The following DPP9 variants were observed in gnomAD, a reference collection of about 807,000 sequenced individuals.
DPP9 encodes dipeptidyl peptidase IV-related protein-2.
In DPP9, 50 loss-of-function variants were observed where a neutral mutation model predicts 110.7. That is an observed-to-expected ratio of 0.45 (90% confidence interval 0.36 to 0.57). The LOEUF (loss-of-function observed/expected upper bound fraction) is 0.57, where lower values mean the gene tolerates loss of function less well. DPP9 is among the 20% of genes least tolerant of loss of function. The probability of loss-of-function intolerance (pLI) is 0.00; values close to 1 mark genes in which losing one functional copy is unlikely to be tolerated. For synonymous variants in DPP9, 561 were observed against 514.4 expected (o/e 1.09, Z -1.23); for missense variants, 1,022 against 1,217.9 (o/e 0.84, Z 2.39).
Position 4,700,328 on chromosome 19 carries a change from C to G in DPP9, c.1013-51G>C. The G allele has an allele frequency of 6.6e-7, 1 of 1,513,714 alleles. No individual in the cohort carries two copies. Among genetic ancestry groups the G allele is most frequent in the Non-Finnish European group, 9.0e-7 (1 of 1,110,848 alleles). The allele number at this position is 1,513,714 out of a possible 1,614,324, so 93.8% of individuals were successfully genotyped here. A position where few individuals can be genotyped will look rare whatever the true frequency, so the allele number is the denominator to read the frequency against. On this transcript the variant is annotated intron_variant, in intron 9 of 21. Transcript: ENST00000262960. This position sits in a 1 kb window ranked among gnomAD's most constrained non-coding sequence, Gnocchi z 4.3. ...ACCAGGCAGGCATCACCCGTGTGTG[C>G]CGAGAGCCGGCACGGGGGGCCTGGG...
In DPP9 at chr19:4,690,962, A is replaced by G. The variant is rs748595457; in HGVS notation, c.1517-5T>C. 2.2e-5 allele frequency: 35 copies of G among 1,606,914 alleles called. No individual in the cohort carries two copies. In the Middle Eastern group the frequency reaches 4.9e-4, roughly 23 times the overall value. Reference sequence around the variant, plus strand: ...TAATGGGGCACTTAAATTCATCTGGAAAGAAAGAAAGAAGGGAGGTGAAGG... The same window carrying G: ...TAATGGGGCACTTAAATTCATCTGGGAAGAAAGAAAGAAGGGAGGTGAAGG... On this transcript the variant is annotated splice_polypyrimidine_tract_variant and splice_region_variant and intron_variant, in intron 13 of 21. Coordinates refer to ENST00000262960, the MANE Select transcript of DPP9 (RefSeq NM_139159.5).
chr19:4,688,802 GGGGGTCGTCGTC>G lies in DPP9; in HGVS notation c.1828_1839del (p.Asp610_Pro613del). The G allele has an allele frequency of 6.7e-7, 1 of 1,481,906 alleles. No individual in the cohort carries two copies. Among genetic ancestry groups the G allele is most frequent in the Non-Finnish European group, 8.9e-7 (1 of 1,123,184 alleles). 91.8% of individuals were successfully genotyped at this position (1,481,906 alleles called of 1,614,324 possible). A position where few individuals can be genotyped will look rare whatever the true frequency, so the allele number is the denominator to read the frequency against. On this transcript the variant is annotated inframe_deletion, in exon 16 of 22. Transcript: ENST00000262960. The stretch of plus-strand genomic sequence containing the variant: ...GCCCAGAAGCGGGGCTGCTTGTGCA[GGGGGTCGTCGTC>G]GGGGCCGCTCAGCTTGTAGACGTGC...
chr19:4,713,745 G>C (rs914451157), intron 4 of DPP9, among the ~76,000 whole-genome samples: 2 of 152,130 alleles, frequency 1.3e-5, no homozygotes, highest in Non-Finnish European at 2.9e-5. Flanking sequence ...AGTGACTCAG[G>C]GGGTGGACCC....
At chr19:4,696,014 C>T (rs2091772301) in intron 11 of DPP9, among the ~76,000 whole-genome samples, 2 of 152,126 alleles carry the variant, frequency 1.3e-5, no homozygotes, top group African/African-American at 4.8e-5. Flanking sequence ...GATTCTCCTG[C>T]CTCAGCCTCC....
At chr19:4,688,017 C>T (rs940467704) in intron 16 of DPP9, among the ~76,000 whole-genome samples, 20 of 152,102 alleles carry the variant, frequency 1.3e-4, no homozygotes, top group African/African-American at 3.6e-4. Flanking sequence ...AGGATGGTCT[C>T]GATCTCCTGA....
intron 4 of DPP9, among the ~76,000 whole-genome samples, chr19:4,708,801 G>A (rs1225919723): frequency 1.3e-5 from 2 of 152,202 alleles, no homozygotes; most frequent in African/African-American, 2.4e-5. Context: ...AGGGTGGAGG[G>A]GGAGCAGCAG....
Position 4,694,611 on chromosome 19 carries a change from C to T in DPP9, c.1516+50G>A. ...CCAATGAACAAACAGCATATTGAACCACACGTGACTAACGCGATGAGTCGA... is the reference window on the plus strand; with the variant it reads ...CCAATGAACAAACAGCATATTGAACTACACGTGACTAACGCGATGAGTCGA... On this transcript the variant is annotated intron_variant, in intron 13 of 21. Transcript: ENST00000262960. This position sits in a 1 kb window ranked among gnomAD's most constrained non-coding sequence, Gnocchi z 4.0. 1 of 1,576,232 alleles carries T rather than the reference C, an allele frequency of 6.3e-7. No individual in the cohort carries two copies. Among genetic ancestry groups the T allele is most frequent in the Non-Finnish European group, 8.6e-7 (1 of 1,159,470 alleles).
At position 4,697,704 on chromosome 19, in the gene DPP9, CGGA is replaced by C. The variant is rs1173186087; in HGVS notation, c.1075-56_1075-54del. 1.3e-5 allele frequency: 19 copies of C among 1,514,804 alleles called. 1 individual carries two copies. The African/African-American group carries it at 1.6e-4, about 13-fold the overall frequency. 93.8% of individuals were successfully genotyped at this position (1,514,804 alleles called of 1,614,324 possible). On this transcript the variant is annotated intron_variant, in intron 10 of 21. Transcript: ENST00000262960. ...ATGCCCTGGCCTGCCCGGCGCTGCT[CGGA>C]GGAGAAGGCCACTGCGCTGGGTCCC...
chr19:4,700,917 T>C lies in DPP9; in HGVS notation c.1013-640A>G, dbSNP rs900363207. On this transcript the variant is annotated intron_variant, in intron 9 of 21. Transcript: ENST00000262960. The surrounding 1 kb of genome is among the most constrained non-coding windows in gnomAD (Gnocchi z 4.3). ...GCTCTGGCCTCCAGGGCAGGTGACA[T>C]CTCTGAGCCTGTTTTCTCATCTGTC... Among the ~76,000 whole-genome samples the C allele has an allele frequency of 1.3e-5, 2 of 152,084 alleles. No homozygotes were observed.
rs1232289712 is a variant in DPP9 at position 4,689,055 on chromosome 19, C to T, written c.1750-163G>A. Among the ~76,000 whole-genome samples, 1 of 144,006 alleles carries T rather than the reference C, an allele frequency of 6.9e-6. No individual in the cohort carries two copies. 94.5% of individuals were successfully genotyped at this position (144,006 alleles called of 152,430 possible). ...TCCACCCGCTGCTGCAAGGGGGGCA[C>T]CACTGCCATCGCCCCATTCTGCAGA... On this transcript the variant is annotated intron_variant, in intron 15 of 21. Transcript: ENST00000262960. This position sits in a 1 kb window ranked among gnomAD's most constrained non-coding sequence, Gnocchi z 7.0.
chr19:4,679,110 C>A (rs1035995226), intron 21 of DPP9, among the ~76,000 whole-genome samples: 3 of 151,218 alleles, frequency 2.0e-5, no homozygotes, highest in Admixed American at 6.6e-5. Flanking sequence ...CTCCTCACCG[C>A]TGAGGCGCTG....
intron 3 of DPP9, 103 bp downstream of exon 3, chr19:4,719,748 C>T: frequency 7.4e-7 from 1 of 1,359,618 alleles, no homozygotes; most frequent in Middle Eastern, 1.8e-4. Flanking sequence ...CTGGGGAAGC[C>T]AGGGGAGAGG....
rs527525898 is a variant in DPP9 at position 4,676,553 on chromosome 19, G to A, written c.*11C>T. On this transcript the variant is annotated 3_prime_UTR_variant, in exon 22 of 22. Coordinates refer to ENST00000262960, the MANE Select transcript of DPP9 (RefSeq NM_139159.5). This position sits in a 1 kb window ranked among gnomAD's most constrained non-coding sequence, Gnocchi z 4.0. ...CTTGTGCTGTGATGTGGCGGCTCCC[G>A]GTGGGCAGGCTCAGAGGTATTCCTG... is the stretch of plus-strand genomic sequence containing the variant. 35 of 1,582,944 alleles carry A rather than the reference G, an allele frequency of 2.2e-5. No homozygotes were observed. The highest frequency in any genetic ancestry group is 1.9e-4 in the African/African-American group (14 of 74,136).
At chr19:4,714,364 G>A (rs767265987) in intron 3 of DPP9, 27 bp from the exon 4 acceptor site, 3 of 1,466,444 alleles carry the variant, frequency 2.0e-6, no homozygotes, top group Admixed American at 2.4e-5. Context: ...AAGACTATGA[G>A]AAAGGAGAAC....
At chr19:4,709,214 G>C (rs929593695) in intron 4 of DPP9, among the ~76,000 whole-genome samples, 1 of 151,950 alleles carries the variant, frequency 6.6e-6, no homozygotes, top group Non-Finnish European at 1.5e-5. Flanking sequence ...CACCACACCC[G>C]GCCAGTTGTT....
At chr19:4,707,525 C>A (rs899262312) in intron 4 of DPP9, among the ~76,000 whole-genome samples, 1 of 151,888 alleles carries the variant, frequency 6.6e-6, no homozygotes. Context: ...CCTGGCCCCT[C>A]CTTGCTCTAC....
At position 4,710,307 on chromosome 19, in the gene DPP9, TGCTTTCCCTTTCGAG is replaced by T. The variant is rs535497060; in HGVS notation, c.313+3759_313+3773del. On this transcript the variant is annotated intron_variant, in intron 4 of 21. Coordinates refer to ENST00000262960, the MANE Select transcript of DPP9 (RefSeq NM_139159.5). The surrounding 1 kb of genome is among the most constrained non-coding windows in gnomAD (Gnocchi z 5.6). ...TGGGACGTCGGGAGACAGGAATTCT[TGCTTTCCCTTTCGAG>T]GGAGTTCCAGAACTGTCTGGAACCC... Among the ~76,000 whole-genome samples the T allele has an allele frequency of 1.3e-5, 2 of 152,354 alleles. No individual in the cohort carries two copies. The highest frequency in any genetic ancestry group is 1.3e-4 in the Admixed American group (2 of 15,312).
chr19:4,689,530 G>A lies in DPP9; in HGVS notation c.1749+40C>T, dbSNP rs1291989358. On this transcript the variant is annotated intron_variant, in intron 15 of 21. Coordinates refer to ENST00000262960, the MANE Select transcript of DPP9 (RefSeq NM_139159.5). The surrounding 1 kb of genome is among the most constrained non-coding windows in gnomAD (Gnocchi z 7.0). ...GGACTGCTCTGGCTGGGAGCTGTTG[G>A]ACGGGCACAGGGCGGTGCCGTGAGG... 6.5e-7 allele frequency: 1 copy of A among 1,534,734 alleles called. No individual in the cohort carries two copies. The highest frequency in any genetic ancestry group is 2.0e-5 in the Admixed American group (1 of 49,846).
At chr19:4,688,673 CCT>C (rs1248595416) in intron 16 of DPP9, 82 bp downstream of exon 16, 1 of 1,349,348 alleles carries the variant, frequency 7.4e-7, no homozygotes, top group African/African-American at 1.5e-5. Flanking sequence ...CAGGCCTCTG[CCT>C]CTTTCCCCAG....
Sources: gnomAD v4.1 joint callset for allele counts (sites outside exome capture counted in the v4.1 genomes callset) on GRCh38, gnomAD v4.1.1 for gene constraint, Gnocchi (gnomAD v3.1) non-coding constraint, MANE v1.5 for transcripts, NCBI Gene and HGNC (gene_info 2026-07-23, HGNC 2026-07-21) for gene names.